The following HEMK2 variants were observed in gnomAD, a reference collection of about 807,000 sequenced individuals.
HEMK2 encodes methyltransferase HEMK2.
At chr21:28,701,509 G>C in the HEMK2 span, among the ~76,000 whole-genome samples, 1 of 150,730 alleles carries the variant, frequency 6.6e-6, no homozygotes, top group Non-Finnish European at 1.5e-5. Context: ...CATATAAGCT[G>C]AGATTCAAAT....
chr21:28,591,573 G>A, the HEMK2 span, among the ~76,000 whole-genome samples: 3 of 152,066 alleles, frequency 2.0e-5, no homozygotes, highest in African/African-American at 4.8e-5. Context: ...TTTTAAGTTC[G>A]GGGTACATGT....
chr21:28,885,062 C>A, the HEMK2 span: 1 of 1,223,028 alleles, frequency 8.2e-7, no homozygotes, highest in South Asian at 1.9e-5. Context: ...GGAAAATTCT[C>A]AATTACGGCG....
the HEMK2 span, among the ~76,000 whole-genome samples, chr21:28,588,633 T>C: frequency 1.3e-5 from 2 of 151,928 alleles, no homozygotes; most frequent in African/African-American, 2.4e-5. Flanking sequence ...AAGAGCAACA[T>C]AGATGTAATA....
the HEMK2 span, among the ~76,000 whole-genome samples, chr21:28,627,254 T>C: frequency 1.3e-5 from 2 of 152,188 alleles, no homozygotes; most frequent in East Asian, 3.9e-4. Flanking sequence ...ATTTCTGGGG[T>C]TATGGAAATG....
At chr21:28,681,273 C>A in the HEMK2 span, among the ~76,000 whole-genome samples, 4 of 152,070 alleles carry the variant, frequency 2.6e-5, no homozygotes. Flanking sequence ...AAACAGAGAA[C>A]CAAATCATGA....
chr21:28,752,641 G>A, the HEMK2 span, among the ~76,000 whole-genome samples: 3 of 152,180 alleles, frequency 2.0e-5, no homozygotes, highest in African/African-American at 2.4e-5. Flanking sequence ...CCCTGGGTTA[G>A]CCATCAGGAG....
At chr21:28,712,297 G>T in the HEMK2 span, among the ~76,000 whole-genome samples, 2 of 152,154 alleles carry the variant, frequency 1.3e-5, no homozygotes, top group African/African-American at 4.8e-5. Flanking sequence ...CATATCTCAG[G>T]ATCTGCTTCT....
At chr21:28,651,057 T>C in the HEMK2 span, among the ~76,000 whole-genome samples, 1 of 152,198 alleles carries the variant, frequency 6.6e-6, no homozygotes, top group Non-Finnish European at 1.5e-5. Flanking sequence ...ATTGTGTAAT[T>C]ATTATTTCTG....
At chr21:28,847,441 A>G in the HEMK2 span, among the ~76,000 whole-genome samples, 1 of 152,094 alleles carries the variant, frequency 6.6e-6, no homozygotes, top group South Asian at 2.1e-4. Flanking sequence ...GTGTCTGTTC[A>G]TGTTCTTTAT....
At chr21:28,731,996 A>G in the HEMK2 span, among the ~76,000 whole-genome samples, 4 of 152,204 alleles carry the variant, frequency 2.6e-5, no homozygotes, top group Non-Finnish European at 5.9e-5. Context: ...TGTCACTCCT[A>G]GAAACCTAGC....
At chr21:28,874,082 G>A in the HEMK2 span, 4 of 152,244 alleles carry the variant, frequency 2.6e-5, no homozygotes, top group African/African-American at 9.6e-5. Flanking sequence ...CTGCTATATA[G>A]CTGGTGTTAT....
At chr21:28,672,356 T>C in the HEMK2 span, among the ~76,000 whole-genome samples, 2 of 151,914 alleles carry the variant, frequency 1.3e-5, no homozygotes, top group East Asian at 1.9e-4. Flanking sequence ...ATGTAGAAAA[T>C]GGTATTGACC....
At chr21:28,675,216 TG>T in the HEMK2 span, among the ~76,000 whole-genome samples, 1 of 152,224 alleles carries the variant, frequency 6.6e-6, no homozygotes, top group African/African-American at 2.4e-5. Flanking sequence ...TTATGTACAA[TG>T]ATTACGGAAG....
At chr21:28,680,724 C>T in the HEMK2 span, among the ~76,000 whole-genome samples, 1 of 152,154 alleles carries the variant, frequency 6.6e-6, no homozygotes, top group African/African-American at 2.4e-5. Flanking sequence ...GGCTTCATCC[C>T]TGGGATGCAA....
the HEMK2 span, among the ~76,000 whole-genome samples, chr21:28,868,694 A>G: frequency 6.6e-6 from 1 of 152,186 alleles, no homozygotes; most frequent in Non-Finnish European, 1.5e-5. Context: ...AAAAAACAAA[A>G]AAGTATTTTA....
chr21:28,700,063 A>G, the HEMK2 span, among the ~76,000 whole-genome samples: 3 of 152,192 alleles, frequency 2.0e-5, no homozygotes, highest in Non-Finnish European at 4.4e-5. Flanking sequence ...TGGCCAACAC[A>G]GTGTTTGAGA....
chr21:28,743,765 G>A, the HEMK2 span, among the ~76,000 whole-genome samples: 3 of 152,164 alleles, frequency 2.0e-5, no homozygotes, highest in South Asian at 6.2e-4. Context: ...AGGCATTAAG[G>A]CCATTCATCT....
the HEMK2 span, among the ~76,000 whole-genome samples, chr21:28,805,560 C>T: frequency 6.6e-6 from 1 of 152,228 alleles, no homozygotes; most frequent in South Asian, 2.1e-4. Flanking sequence ...CTGCCGTCAG[C>T]TCAGTAGCTT....
chr21:28,878,125 C>T, the HEMK2 span: 1 of 1,355,970 alleles, frequency 7.4e-7, no homozygotes, highest in Non-Finnish European at 1.0e-6. Context: ...TAAATTAAAG[C>T]ATTTTACATT....
Sources: gnomAD v4.1 joint callset for allele counts (sites outside exome capture counted in the v4.1 genomes callset) on GRCh38, gnomAD v4.1.1 for gene constraint, MANE v1.5 for transcripts, NCBI Gene and HGNC (gene_info 2026-07-23, HGNC 2026-07-21) for gene names.